The following HTR4 variants were observed in gnomAD, a reference collection of about 807,000 sequenced individuals.
HTR4 encodes 5-hydroxytryptamine receptor 4, also known as 5-hydroxytryptamine (serotonin) receptor 4, G protein-coupled.
Under a neutral mutation model 36.8 loss-of-function variants are expected in HTR4, and 16 were observed. The ratio of observed to expected loss-of-function variants is 0.43; its 90% CI spans 0.29 to 0.66. The LOEUF (loss-of-function observed/expected upper bound fraction) is 0.66, where lower values mean the gene tolerates loss of function less well. Ranked by LOEUF, HTR4 falls within the 30% of genes least tolerant of loss-of-function variation. The pLI is 0.13. For synonymous variants in HTR4, 189 were observed against 185.1 expected (o/e 1.02, Z -0.17); for missense variants, 438 against 490.9 (o/e 0.89, Z 1.02).
downstream of HTR4, among the ~76,000 whole-genome samples, chr5:148,473,070 C>A (rs1011585609): frequency 6.6e-6 from 1 of 151,940 alleles, no homozygotes; most frequent in African/African-American, 2.4e-5. Flanking sequence ...GAGGCCGAGG[C>A]GGGTGGATCA....
intron 2 of HTR4, among the ~76,000 whole-genome samples, chr5:148,603,322 T>C (rs1045646031): frequency 1.6e-4 from 24 of 152,028 alleles, no homozygotes; most frequent in African/African-American, 5.5e-4. Flanking sequence ...TTTGAAAAAA[T>C]GTTATAATTA....
chr5:148,451,173 C>T (rs202214083), exon 6 of HTR4: 967 of 1,613,462 alleles, frequency 6.0e-4, no homozygotes, highest in Non-Finnish European at 8.0e-4. Flanking sequence ...AAGTTGTGAG[C>T]CATGTCCTCA....
intron 6 of HTR4, among the ~76,000 whole-genome samples, chr5:148,505,981 T>A (rs1269795596): frequency 2.0e-5 from 3 of 152,142 alleles, no homozygotes; most frequent in African/African-American, 7.2e-5. Flanking sequence ...GCCATCCCCA[T>A]CAAGCTACCA....
chr5:148,489,603 T>C (rs1003632354), intron 6 of HTR4, among the ~76,000 whole-genome samples: 5 of 152,256 alleles, frequency 3.3e-5, no homozygotes, highest in African/African-American at 9.6e-5. Flanking sequence ...TGAGTAGTCT[T>C]GTGCCAGGCT....
intron 2 of HTR4, chr5:148,628,755 G>C (rs1210811942): frequency 6.6e-6 from 1 of 152,144 alleles, no homozygotes; most frequent in East Asian, 1.9e-4. Flanking sequence ...ACTGCAAGAA[G>C]CTACAAGTCA....
intron 2 of HTR4, among the ~76,000 whole-genome samples, chr5:148,593,276 ACCTG>A (rs1217368718): frequency 1.3e-5 from 2 of 152,222 alleles, no homozygotes; most frequent in East Asian, 3.9e-4. Context: ...CCGGCAGGAG[ACCTG>A]CCAGGGCAAA....
chr5:148,592,092 G>A (rs546838678), intron 2 of HTR4, among the ~76,000 whole-genome samples: 2 of 152,252 alleles, frequency 1.3e-5, no homozygotes, highest in African/African-American at 4.8e-5. Context: ...TGGGAACATG[G>A]ATAAAGCTGG....
At chr5:148,524,702 G>A (rs1008706887) in intron 4 of HTR4, among the ~76,000 whole-genome samples, 1 of 152,130 alleles carries the variant, frequency 6.6e-6, no homozygotes. Flanking sequence ...GAGCCTGGAG[G>A]CTGTCTATTC....
chr5:148,562,090 T>A (rs1760237937), intron 2 of HTR4, among the ~76,000 whole-genome samples: 1 of 152,228 alleles, frequency 6.6e-6, no homozygotes, highest in Non-Finnish European at 1.5e-5. Flanking sequence ...AGTCAAACAA[T>A]GGCCATTGGG....
chr5:148,558,803 C>G (rs1760066415), intron 2 of HTR4, among the ~76,000 whole-genome samples: 1 of 152,102 alleles, frequency 6.6e-6, no homozygotes, highest in Non-Finnish European at 1.5e-5. Flanking sequence ...TTGCCATAGC[C>G]TTGGAAAAGA....
intron 2 of HTR4, among the ~76,000 whole-genome samples, chr5:148,621,818 A>G (rs1752929186): frequency 6.6e-6 from 1 of 152,146 alleles, no homozygotes; most frequent in Admixed American, 6.5e-5. Context: ...AAAATGGTCT[A>G]CAGGTCATGA....
intron 6 of HTR4, among the ~76,000 whole-genome samples, chr5:148,496,955 T>C (rs753356958): frequency 2.6e-5 from 4 of 152,150 alleles, no homozygotes; most frequent in Non-Finnish European, 4.4e-5. Context: ...CCTAATAAAT[T>C]GAGTTCCAGA....
At chr5:148,564,692 C>CCA (rs1454221881) in intron 2 of HTR4, among the ~76,000 whole-genome samples, 3 of 152,166 alleles carry the variant, frequency 2.0e-5, no homozygotes, top group African/African-American at 7.2e-5. Flanking sequence ...CACATACAAA[C>CCA]CACTAAAGAG....
At chr5:148,628,149 T>C (rs17706942) in intron 2 of HTR4, among the ~76,000 whole-genome samples, 4,600 of 152,294 alleles carry the variant, frequency 0.03, 98 homozygotes, top group Middle Eastern at 0.075. Flanking sequence ...GGCCTTCAGT[T>C]TGAGAACCCA....
intron 2 of HTR4, among the ~76,000 whole-genome samples, chr5:148,586,362 T>C (rs1268466792): frequency 6.6e-6 from 1 of 151,900 alleles, no homozygotes; most frequent in Non-Finnish European, 1.5e-5. Context: ...CCTGGAGCCA[T>C]TTTGTATTTA....
At position 148,529,647 on chromosome 5, in the gene HTR4, G is replaced by T. The variant is rs368059285; in HGVS notation, c.354-6301C>A. ...GGACTAATACAGTAAATTGGTACCAGGAGTGGGGTGCTGATGAAAAGATAA... is the reference window on the plus strand; with the variant it reads ...GGACTAATACAGTAAATTGGTACCATGAGTGGGGTGCTGATGAAAAGATAA... On this transcript the variant is annotated intron_variant, in intron 4 of 6. Coordinates refer to ENST00000377888, the MANE Select transcript of HTR4 (RefSeq NM_000870.7). 1.5e-4 allele frequency among the ~76,000 whole-genome samples: 23 copies of T among 152,308 alleles called. 1 individual carries two copies. In the East Asian group the frequency reaches 1.7e-3, roughly 11 times the overall value.
intron 6 of HTR4, chr5:148,484,251 C>A: frequency 6.2e-7 from 1 of 1,611,040 alleles, no homozygotes; most frequent in South Asian, 1.1e-5. Flanking sequence ...AACAGAGAAT[C>A]ATAGTTACCC....
intron 2 of HTR4, among the ~76,000 whole-genome samples, chr5:148,559,724 C>T (rs919448684): frequency 5.9e-5 from 9 of 152,032 alleles, no homozygotes; most frequent in South Asian, 2.1e-4. Flanking sequence ...AACCCTCTTA[C>T]CTGCTTCCAA....
intron 2 of HTR4, among the ~76,000 whole-genome samples, chr5:148,582,163 C>T (rs1761161096): frequency 1.3e-5 from 2 of 151,898 alleles, no homozygotes; most frequent in Admixed American, 6.6e-5. Context: ...AACTCACTTT[C>T]GTGTGTTGGT....
Sources: allele counts gnomAD v4.1 joint callset (sites outside exome capture counted in the v4.1 genomes callset), GRCh38; gene constraint gnomAD v4.1.1; transcripts MANE v1.5; gene names NCBI Gene and HGNC (gene_info 2026-07-23, HGNC 2026-07-21).